NGLY1: variants seen among roughly 807,000 people sequenced by gnomAD.
The protein encoded by NGLY1 is N-glycanase 1.
A neutral mutation model predicts 84.6 loss-of-function variants in NGLY1; 68 were observed. The observed-to-expected ratio is 0.80, with a 90% CI of 0.66 to 0.98. The LOEUF (loss-of-function observed/expected upper bound fraction) is 0.98, where lower values mean the gene tolerates loss of function less well. NGLY1 is among the 50% of genes least tolerant of loss of function. The probability of loss-of-function intolerance (pLI) is 0.00; values close to 1 mark genes in which losing one functional copy is unlikely to be tolerated. For synonymous variants in NGLY1, 280 were observed against 275.2 expected (o/e 1.02, Z -0.17); for missense variants, 779 against 770.2 (o/e 1.01, Z -0.14).
At chr3:25,761,406 T>C (rs2125540288) in intron 3 of NGLY1, among the ~76,000 whole-genome samples, 1 of 152,296 alleles carries the variant, frequency 6.6e-6, no homozygotes, top group Non-Finnish European at 1.5e-5. Context: ...TAAAGGATTA[T>C]CAGAAAGTTA....
At chr3:25,739,439 G>T in intron 5 of NGLY1, 138 bp downstream of exon 5, 1 of 794,236 alleles carries the variant, frequency 1.3e-6, no homozygotes, top group Non-Finnish European at 1.9e-6. Flanking sequence ...GATTTAGCCT[G>T]CCAGCCACGG....
At chr3:25,766,030 T>C (rs1323317218) in intron 2 of NGLY1, among the ~76,000 whole-genome samples, 1 of 151,928 alleles carries the variant, frequency 6.6e-6, no homozygotes, top group African/African-American at 2.4e-5. Flanking sequence ...TCATCTCAAG[T>C]AATACAACTA....
At chr3:25,784,906 G>A (rs1251863082), upstream of NGLY1, among the ~76,000 whole-genome samples, 2 of 152,052 alleles carry the variant, frequency 1.3e-5, no homozygotes, top group African/African-American at 4.8e-5. Context: ...AATAATGCAG[G>A]TGTCATAATG....
At chr3:25,741,002 C>A (rs1265532761) in intron 4 of NGLY1, among the ~76,000 whole-genome samples, 1 of 151,798 alleles carries the variant, frequency 6.6e-6, no homozygotes, top group African/African-American at 2.4e-5. Context: ...GTGGTAGGTG[C>A]CTGTGATCCC....
At chr3:25,759,923 C>A (rs142903925) in intron 3 of NGLY1, among the ~76,000 whole-genome samples, 96,567 of 145,362 alleles carry the variant, frequency 0.66, 36,425 homozygotes, top group East Asian at 0.93. Flanking sequence ...AAAAAACACA[C>A]ACACACACAC....
At chr3:25,782,984 T>C (rs1708488635) in intron 1 of NGLY1, 1 of 389,958 alleles carries the variant, frequency 2.6e-6, no homozygotes, top group Non-Finnish European at 4.7e-6. Flanking sequence ...CCGGCCCCGC[T>C]TCCGGGACTC....
At chr3:25,726,820 T>C (rs1705289196) in intron 10 of NGLY1, among the ~76,000 whole-genome samples, 1 of 152,236 alleles carries the variant, frequency 6.6e-6, no homozygotes, top group Non-Finnish European at 1.5e-5. Flanking sequence ...CAAGGTGTTA[T>C]CACTTGCCTC....
Position 25,753,911 on chromosome 3 carries a change from A to G in NGLY1, c.493-2648T>C, listed in dbSNP as rs1388561177. 2.0e-5 allele frequency among the ~76,000 whole-genome samples: 3 copies of G among 152,224 alleles called. No homozygotes were observed. In the East Asian group the frequency reaches 5.8e-4, roughly 29 times the overall value. On this transcript the variant is annotated intron_variant, in intron 3 of 11. Coordinates refer to ENST00000280700, the MANE Select transcript of NGLY1 (RefSeq NM_018297.4). ...CAAAAAACCATTACCAAATACTTACATGTCAGGCACTGTATTAAGCACTGG... is the reference window on the plus strand; with the variant it reads ...CAAAAAACCATTACCAAATACTTACGTGTCAGGCACTGTATTAAGCACTGG...
rs75868925 is a variant in NGLY1, at chr3:25,746,737, T to C, written c.658+4361A>G. On this transcript the variant is annotated intron_variant, in intron 4 of 11. Transcript: ENST00000280700. Reference sequence around the variant, plus strand: ...CTTGAGCAATTTCCTGGTTGTTATTTGCCTAGAGAGAGGAAATATGATGGA... The same window carrying C: ...CTTGAGCAATTTCCTGGTTGTTATTCGCCTAGAGAGAGGAAATATGATGGA... 8.5e-3 allele frequency among the ~76,000 whole-genome samples: 1,294 copies of C among 152,378 alleles called. 7 individuals carry two copies. Among genetic ancestry groups the C allele is most frequent in the Non-Finnish European group, 0.014 (932 of 68,034 alleles).
chr3:25,785,431 T>C (rs1708581812), upstream of NGLY1, among the ~76,000 whole-genome samples: 1 of 152,146 alleles, frequency 6.6e-6, no homozygotes, highest in African/African-American at 2.4e-5. Flanking sequence ...TGGGTTTCTT[T>C]TTCCATTGAT....
intron 3 of NGLY1, among the ~76,000 whole-genome samples, chr3:25,756,291 G>A (rs1259635677): frequency 2.6e-5 from 4 of 152,108 alleles, no homozygotes; most frequent in East Asian, 1.9e-4. Context: ...GCCATACCTG[G>A]AATTTAAAAA....
intron 10 of NGLY1, among the ~76,000 whole-genome samples, chr3:25,728,315 T>C (rs1705363038): frequency 6.6e-6 from 1 of 152,138 alleles, no homozygotes; most frequent in South Asian, 2.1e-4. Context: ...GCTGTTTATA[T>C]GTGACTCACT....
intron 4 of NGLY1, among the ~76,000 whole-genome samples, chr3:25,742,241 G>A (rs1706184467): frequency 1.3e-5 from 2 of 152,154 alleles, no homozygotes; most frequent in Admixed American, 1.3e-4. Flanking sequence ...ACTTGTGCAT[G>A]TGTGCCAGGA....
intron 11 of NGLY1, 120 bp from the exon 12 acceptor site, chr3:25,719,755 T>C (rs1704884888): frequency 3.8e-6 from 3 of 783,376 alleles, no homozygotes; most frequent in African/African-American, 1.8e-5. Context: ...TAAAAATAAA[T>C]ACAAATTATT....
At chr3:25,737,283 C>T (rs1382218734) in intron 6 of NGLY1, 51 bp downstream of exon 6, 1 of 1,480,106 alleles carries the variant, frequency 6.8e-7, no homozygotes. Flanking sequence ...TAAACCCAAA[C>T]CTGCAAGCCT....
upstream of NGLY1, among the ~76,000 whole-genome samples, chr3:25,786,435 T>A (rs145705650): frequency 1.7e-4 from 26 of 151,916 alleles, no homozygotes; most frequent in East Asian, 5.0e-3. Context: ...AATAAATAAA[T>A]AAAAGAACAA....
chr3:25,778,925 CTTTTTTTTT>C (rs565447910), intron 1 of NGLY1, among the ~76,000 whole-genome samples: 1 of 54,662 alleles, frequency 1.8e-5, no homozygotes, highest in Admixed American at 3.4e-4. Flanking sequence ...AAGATACATT[CTTTTTTTTT>C]TTTTTTTTTT....
chr3:25,764,928 C>A (rs1201671354), intron 2 of NGLY1, among the ~76,000 whole-genome samples: 1 of 152,068 alleles, frequency 6.6e-6, no homozygotes, highest in Non-Finnish European at 1.5e-5. Context: ...GGAAGGTAAT[C>A]CGAACAAAAC....
chr3:25,783,195 T>C lies in NGLY1; in HGVS notation c.131+65A>G. 13 of 1,488,164 alleles carry C rather than the reference T, an allele frequency of 8.7e-6. No homozygotes were observed. Among genetic ancestry groups the C allele is most frequent in the Non-Finnish European group, 1.1e-5 (12 of 1,076,808 alleles). 92.2% of individuals were successfully genotyped at this position (1,488,164 alleles called of 1,614,324 possible). The stretch of plus-strand genomic sequence containing the variant: ...AGCTCAGGCCGGACGCCCCAGTCCC[T>C]GGCCGAACAAGGTGCCGCGGCCCAC... On this transcript the variant is annotated intron_variant, in intron 1 of 11. Transcript: ENST00000280700. The surrounding 1 kb of genome is among the most constrained non-coding windows in gnomAD (Gnocchi z 4.5).
Sources: gnomAD v4.1 joint callset for allele counts (sites outside exome capture counted in the v4.1 genomes callset) on GRCh38, gnomAD v4.1.1 for gene constraint, Gnocchi (gnomAD v3.1) non-coding constraint, MANE v1.5 for transcripts, NCBI Gene and HGNC (gene_info 2026-07-23, HGNC 2026-07-21) for gene names.